Variants in MICAL3 observed in about 807,000 individuals in gnomAD.
MICAL3 encodes [F-actin]-monooxygenase MICAL3.
Under a neutral mutation model 207.4 loss-of-function variants are expected in MICAL3, and 62 were observed. The ratio of observed to expected loss-of-function variants is 0.30; its 90% CI spans 0.24 to 0.37. MICAL3 has a LOEUF of 0.37. MICAL3 is among the 10% of genes least tolerant of loss of function. The probability of loss-of-function intolerance (pLI) is 1.00; values close to 1 mark genes in which losing one functional copy is unlikely to be tolerated. For missense variants in MICAL3, 2,368 were observed against 2,635.6 expected (o/e 0.90, Z 2.22); for synonymous variants, 1,077 against 1,069.3 (o/e 1.01, Z -0.14).
intron 28 of MICAL3, 111 bp downstream of exon 28, chr22:17,810,592 C>A (rs939923171): frequency 1.2e-6 from 1 of 854,432 alleles, no homozygotes; most frequent in South Asian, 1.6e-5. Context: ...GCCCGTCTAC[C>A]TCTGCTCTGC....
chr22:17,834,959 G>A (rs942082568), intron 20 of MICAL3, among the ~76,000 whole-genome samples: 4 of 152,222 alleles, frequency 2.6e-5, no homozygotes, highest in East Asian at 1.9e-4. Context: ...CTGAGCAGCC[G>A]GGGCCTGTGC....
At chr22:17,847,659 G>A (rs952643372) in intron 19 of MICAL3, among the ~76,000 whole-genome samples, 3 of 152,172 alleles carry the variant, frequency 2.0e-5, no homozygotes, top group Non-Finnish European at 4.4e-5. Context: ...CAAGAATGGC[G>A]CTGATTGAAA....
intron 27 of MICAL3, among the ~76,000 whole-genome samples, chr22:17,816,136 C>T (rs145542147): frequency 6.6e-6 from 1 of 152,328 alleles, no homozygotes; most frequent in Non-Finnish European, 1.5e-5. Flanking sequence ...CCTCCACCTT[C>T]ACTGGATCCA....
At chr22:17,988,217 T>C (rs1177557093) in intron 1 of MICAL3, among the ~76,000 whole-genome samples, 2 of 152,220 alleles carry the variant, frequency 1.3e-5, no homozygotes, top group Non-Finnish European at 2.9e-5. Context: ...GAAAGGCACC[T>C]ACCCAGCATT....
intron 19 of MICAL3, among the ~76,000 whole-genome samples, chr22:17,847,206 C>G (rs59908610): frequency 0.053 from 8,035 of 152,282 alleles, 420 homozygotes; most frequent in African/African-American, 0.13. Flanking sequence ...CAGGGCTCCG[C>G]GCCGCTGAGA....
At chr22:17,809,402 G>C (rs1456253571) in intron 28 of MICAL3, among the ~76,000 whole-genome samples, 1 of 152,242 alleles carries the variant, frequency 6.6e-6, no homozygotes, top group Non-Finnish European at 1.5e-5. Context: ...TTGGGAGGCT[G>C]AGGTGGGCGG....
rs1199065944 is a variant in MICAL3, at chr22:17,886,045, C to T, written c.2074G>A (p.Ala692Thr). The change falls in exon 16 of 32, where the codon GCT becomes ACT. Residue 692 changes from alanine to threonine, a missense_variant. Physicochemically the swap from Ala to Thr is moderately conservative, Grantham distance 58. Around this residue, in one of 4 missense-constraint regions of MICAL3, gnomAD observed 1,770 missense variants for 1,863.2 expected, o/e 0.95. Coordinates refer to ENST00000441493, the MANE Select transcript of MICAL3 (RefSeq NM_015241.3). ...CTTTCTCCTCTGTGGCCCCGAGGAG[C>T]TTCCTCCTGGTCAATGCCAACCCCA... is the stretch of plus-strand genomic sequence containing the variant. The part of the protein sequence containing the change: ...RKTSQSEEEE[A>T]PRGHRGERPT... The T allele has an allele frequency of 1.9e-6, 3 of 1,613,934 alleles. No individual in the cohort carries two copies. The highest frequency in any genetic ancestry group is 2.5e-6 in the Non-Finnish European group (3 of 1,179,896).
chr22:17,979,354 G>C (rs934356974), intron 1 of MICAL3, among the ~76,000 whole-genome samples: 3 of 152,124 alleles, frequency 2.0e-5, no homozygotes, highest in African/African-American at 7.2e-5. Context: ...AGACCAGCCT[G>C]GCCAACGTGG....
At chr22:17,947,989 CA>C (rs1265346988) in intron 1 of MICAL3, among the ~76,000 whole-genome samples, 2 of 151,744 alleles carry the variant, frequency 1.3e-5, no homozygotes, top group Non-Finnish European at 2.9e-5. Flanking sequence ...AAAAAACCCA[CA>C]AAACTGCCAG....
intron 1 of MICAL3, among the ~76,000 whole-genome samples, chr22:17,999,607 CA>C (rs1051074786): frequency 3.4e-4 from 52 of 152,324 alleles, no homozygotes; most frequent in African/African-American, 1.2e-3. Context: ...TTCTCTTCCA[CA>C]CCTAGTAACA....
chr22:17,792,164 G>A (rs780929943), intron 29 of MICAL3, among the ~76,000 whole-genome samples: 7 of 152,216 alleles, frequency 4.6e-5, no homozygotes, highest in South Asian at 4.1e-4. Flanking sequence ...GCCACCCAAC[G>A]AGAGAACAAG....
intron 29 of MICAL3, among the ~76,000 whole-genome samples, chr22:17,795,176 G>A (rs963795834): frequency 1.3e-5 from 2 of 152,254 alleles, no homozygotes; most frequent in Non-Finnish European, 2.9e-5. Flanking sequence ...TACCCAATGT[G>A]CTAAGCACAC....
chr22:17,876,095 C>T (rs1353883232), intron 16 of MICAL3, among the ~76,000 whole-genome samples: 2 of 152,274 alleles, frequency 1.3e-5, no homozygotes, highest in African/African-American at 4.8e-5. Context: ...CAGAGAGGCT[C>T]TGCTTGCCAA....
intron 1 of MICAL3, among the ~76,000 whole-genome samples, chr22:17,929,053 A>G (rs958006207): frequency 1.4e-4 from 21 of 150,296 alleles, no homozygotes; most frequent in African/African-American, 4.9e-4. Flanking sequence ...TCGGCCTCCC[A>G]AAGTGCTGGG....
intron 5 of MICAL3, among the ~76,000 whole-genome samples, chr22:17,901,325 C>T (rs1263092631): frequency 6.6e-6 from 1 of 152,120 alleles, no homozygotes; most frequent in African/African-American, 2.4e-5. Context: ...CCTACAGGTG[C>T]CAGCCACTCA....
intron 29 of MICAL3, among the ~76,000 whole-genome samples, chr22:17,794,023 G>C (rs1254278955): frequency 1.3e-5 from 2 of 152,234 alleles, no homozygotes; most frequent in Non-Finnish European, 2.9e-5. Context: ...AATGAATTAA[G>C]TCCTTTTTTC....
Position 17,891,580 on chromosome 22 carries a change from A to G in MICAL3, c.1599T>C (p.Asp533=). 6.2e-7 allele frequency: 1 copy of G among 1,614,010 alleles called. No individual in the cohort carries two copies. The highest frequency in any genetic ancestry group is 1.3e-5 in the African/African-American group (1 of 75,046). The part of the protein sequence containing the change: ...KLLGWCQRQT[D]GYAGVNVTDL... ...CTGTCACGTTTACCCCTGCATAGCC[A>G]TCTGTCTGCCTCTGGCACCAACCCA... The change falls in exon 12 of 32, where the codon GAT becomes GAC. Residue 533 remains aspartate (D), a synonymous_variant. Transcript: ENST00000441493.
rs1358224426 is a variant in MICAL3, at chr22:17,938,806, C to A, written c.-74-31920G>T. Among the ~76,000 whole-genome samples the A allele has an allele frequency of 2.0e-5, 3 of 152,176 alleles. No homozygotes were observed. The East Asian group carries it at 5.8e-4, about 29-fold the overall frequency. On this transcript the variant is annotated intron_variant, in intron 1 of 31. Coordinates refer to ENST00000441493, the MANE Select transcript of MICAL3 (RefSeq NM_015241.3). ...GGTCATTCAGCACGTGCAGCAAAAACCATCTGGGTAACACGTGGTGAAGGT... is the reference window on the plus strand; with the variant it reads ...GGTCATTCAGCACGTGCAGCAAAAAACATCTGGGTAACACGTGGTGAAGGT...
chr22:17,940,862 G>T (rs1933773828), intron 1 of MICAL3, among the ~76,000 whole-genome samples: 1 of 152,116 alleles, frequency 6.6e-6, no homozygotes, highest in South Asian at 2.1e-4. Flanking sequence ...TATTTAATCA[G>T]GGTAGGATGA....
Sources: allele counts gnomAD v4.1 joint callset (sites outside exome capture counted in the v4.1 genomes callset), GRCh38; gene constraint gnomAD v4.1.1; regional missense constraint gnomAD v4.1.1; transcripts MANE v1.5; gene names NCBI Gene and HGNC (gene_info 2026-07-23, HGNC 2026-07-21).